The following SEZ6L variants were observed in gnomAD, a reference collection of about 807,000 sequenced individuals.
SEZ6L encodes the protein seizure related 6 homolog like, also known as seizure 6-like protein.
Under a neutral mutation model 106.2 loss-of-function variants are expected in SEZ6L, and 37 were observed. The ratio of observed to expected loss-of-function variants is 0.35; its 90% CI spans 0.27 to 0.46. The LOEUF is 0.46. Ranked by LOEUF, SEZ6L falls within the 20% of genes least tolerant of loss-of-function variation. SEZ6L has a pLI of 1.00. For missense variants in SEZ6L, 1,172 were observed against 1,332.8 expected (o/e 0.88, Z 1.88); for synonymous variants, 541 against 570.4 (o/e 0.95, Z 0.73).
chr22:26,189,615 T>C (rs1248434751), intron 1 of SEZ6L, among the ~76,000 whole-genome samples: 1 of 152,186 alleles, frequency 6.6e-6, no homozygotes, highest in Admixed American at 6.5e-5. Context: ...CTATTAGGTA[T>C]TATAAATAAT....
intron 2 of SEZ6L, among the ~76,000 whole-genome samples, chr22:26,293,850 C>T (rs2081215193): frequency 6.6e-6 from 1 of 152,210 alleles, no homozygotes. Context: ...CCAGTCTTCT[C>T]TACCATCTTT....
chr22:26,330,475 AGGTGTTTT>A (rs1329240149), intron 9 of SEZ6L, among the ~76,000 whole-genome samples: 1 of 152,192 alleles, frequency 6.6e-6, no homozygotes, highest in African/African-American at 2.4e-5. Flanking sequence ...GGAATTAGCA[AGGTGTTTT>A]CTAGCAGAGA....
intron 7 of SEZ6L, among the ~76,000 whole-genome samples, chr22:26,311,562 T>C (rs1397422340): frequency 6.6e-6 from 1 of 152,146 alleles, no homozygotes; most frequent in Non-Finnish European, 1.5e-5. Context: ...CTTACTCCTA[T>C]TTTAGATTTT....
At chr22:26,353,957 G>C (rs1001856062) in intron 12 of SEZ6L, among the ~76,000 whole-genome samples, 2 of 152,096 alleles carry the variant, frequency 1.3e-5, no homozygotes, top group Non-Finnish European at 2.9e-5. Flanking sequence ...CACAGTATCT[G>C]TAACCATGAC....
At chr22:26,329,041 C>T (rs907818913) in intron 9 of SEZ6L, among the ~76,000 whole-genome samples, 4 of 152,062 alleles carry the variant, frequency 2.6e-5, no homozygotes, top group African/African-American at 7.3e-5. Context: ...TTCTGAGGTG[C>T]GGCCAGGATT....
chr22:26,182,143 C>T (rs1205267031), intron 1 of SEZ6L, among the ~76,000 whole-genome samples: 1 of 152,104 alleles, frequency 6.6e-6, no homozygotes, highest in Admixed American at 6.6e-5. Flanking sequence ...GCAGACATGT[C>T]GAATGAATAA....
intron 1 of SEZ6L, chr22:26,244,453 G>C (rs1161307214): frequency 6.6e-6 from 1 of 152,314 alleles, no homozygotes; most frequent in African/African-American, 2.4e-5. Context: ...CCCAAGGAGA[G>C]AGAAAGGTGC....
chr22:26,277,517 A>G (rs1272897389), intron 1 of SEZ6L, among the ~76,000 whole-genome samples: 1 of 152,222 alleles, frequency 6.6e-6, no homozygotes, highest in Non-Finnish European at 1.5e-5. Context: ...GCTAAAGCAA[A>G]CCATGCGAGT....
chr22:26,224,511 A>G (rs1240565230), intron 1 of SEZ6L, among the ~76,000 whole-genome samples: 1 of 152,222 alleles, frequency 6.6e-6, no homozygotes, highest in East Asian at 1.9e-4. Context: ...TGTTGGGATT[A>G]GAGCAGGGAG....
intron 5 of SEZ6L, among the ~76,000 whole-genome samples, chr22:26,301,563 T>G (rs2081455442): frequency 6.6e-6 from 1 of 152,128 alleles, no homozygotes. Flanking sequence ...GGAGAGGACA[T>G]CAGTTATTGT....
intron 1 of SEZ6L, among the ~76,000 whole-genome samples, chr22:26,228,503 A>G (rs1241696472): frequency 2.6e-5 from 4 of 152,138 alleles, no homozygotes; most frequent in South Asian, 2.1e-4. Flanking sequence ...GTGCTGGGCA[A>G]TGGGTACCCA....
intron 12 of SEZ6L, among the ~76,000 whole-genome samples, chr22:26,352,434 A>T (rs911003490): frequency 6.6e-6 from 1 of 152,206 alleles, no homozygotes; most frequent in African/African-American, 2.4e-5. Flanking sequence ...CTGGGGGGAA[A>T]AAAAGAAAAG....
chr22:26,236,541 G>T (rs992877007), intron 1 of SEZ6L, among the ~76,000 whole-genome samples: 1 of 152,184 alleles, frequency 6.6e-6, no homozygotes, highest in African/African-American at 2.4e-5. Context: ...GGACTTGATT[G>T]ATTGAGGTTG....
chr22:26,248,657 C>G (rs1472007695), intron 1 of SEZ6L, among the ~76,000 whole-genome samples: 2 of 152,214 alleles, frequency 1.3e-5, no homozygotes, highest in African/African-American at 4.8e-5. Context: ...CCTCATGCAT[C>G]GAAGATCCTC....
chr22:26,199,325 T>C (rs902965627), intron 1 of SEZ6L, among the ~76,000 whole-genome samples: 1 of 152,210 alleles, frequency 6.6e-6, no homozygotes, highest in Non-Finnish European at 1.5e-5. Context: ...TTCCAGCTAC[T>C]GTTTACCTTC....
At chr22:26,220,955 A>G (rs1033872032) in intron 1 of SEZ6L, among the ~76,000 whole-genome samples, 1 of 151,060 alleles carries the variant, frequency 6.6e-6, no homozygotes, top group African/African-American at 2.4e-5. Flanking sequence ...TGAGTGGTTG[A>G]TTGGAGGGAA....
intron 1 of SEZ6L, among the ~76,000 whole-genome samples, chr22:26,175,872 C>T (rs1417639253): frequency 6.6e-6 from 1 of 152,234 alleles, no homozygotes; most frequent in African/African-American, 2.4e-5. Context: ...ATTCATCAAG[C>T]TGTCCTTACA....
At chr22:26,234,617 A>G (rs1462986284) in intron 1 of SEZ6L, among the ~76,000 whole-genome samples, 2 of 152,210 alleles carry the variant, frequency 1.3e-5, no homozygotes, top group Admixed American at 6.5e-5. Flanking sequence ...GCTCATCTCT[A>G]TGCCTGGGCA....
chr22:26,353,860 G>A (rs1048643502), intron 12 of SEZ6L, among the ~76,000 whole-genome samples: 6 of 151,338 alleles, frequency 4.0e-5, no homozygotes, highest in African/African-American at 1.5e-4. Flanking sequence ...ATCTGTAACC[G>A]TGACCTTGAT....
Sources: gnomAD v4.1 joint callset for allele counts (sites outside exome capture counted in the v4.1 genomes callset) on GRCh38, gnomAD v4.1.1 for gene constraint, MANE v1.5 for transcripts, NCBI Gene and HGNC (gene_info 2026-07-23, HGNC 2026-07-21) for gene names.